The following TRIP13 variants were observed in gnomAD, a reference collection of about 807,000 sequenced individuals.
TRIP13 encodes thyroid hormone receptor interactor 13.
A neutral mutation model predicts 54.4 loss-of-function variants in TRIP13; 25 were observed. That is an observed-to-expected ratio of 0.46 (90% CI 0.33 to 0.64). The LOEUF (loss-of-function observed/expected upper bound fraction) is 0.64. TRIP13 is among the 30% of genes least tolerant of loss of function. The pLI is 0.02. For synonymous variants in TRIP13, 207 were observed against 207.8 expected, an observed-to-expected ratio of 1.00 and a Z score of 0.03; for missense variants, 373 against 534.2, an observed-to-expected ratio of 0.70 and a Z score of 2.97.
rs147454579 is a variant in TRIP13, at chr5:893,082, C to T, written c.84C>T (p.Arg28=). The part of the protein sequence containing the change: ...SPTVHVEVHQ[R]GSSTAKKEDI... ...CGGTCCACGTGGAGGTGCATCAGCG[C>T]GGCAGCAGGTGAGCCGGACCTGTCC... The change falls in exon 1 of 13, where the codon CGC becomes CGT. Residue 28 remains arginine, a synonymous_variant. Transcript: ENST00000166345. The T allele has an allele frequency of 9.4e-6, 15 of 1,594,304 alleles. No homozygotes were observed. The African/African-American group carries it at 1.9e-4, about 20-fold the overall frequency.
intron 2 of TRIP13, 41 bp from the exon 3 acceptor site, chr5:896,624 G>C: frequency 1.3e-6 from 2 of 1,586,172 alleles, no homozygotes; most frequent in Non-Finnish European, 1.7e-6. Flanking sequence ...TTAAGTGAGA[G>C]TTGGAAATGT....
intron 9 of TRIP13, among the ~76,000 whole-genome samples, chr5:910,198 TC>T (rs1453505105): frequency 6.6e-6 from 1 of 152,170 alleles, no homozygotes; most frequent in Non-Finnish European, 1.5e-5. Context: ...ACATGAGTGT[TC>T]CCTTTTCTCT....
intron 10 of TRIP13, 65 bp from the exon 11 acceptor site, chr5:914,400 G>A: frequency 8.8e-7 from 1 of 1,135,922 alleles, no homozygotes; most frequent in Non-Finnish European, 1.3e-6. Context: ...TGTCCCTCTT[G>A]CTGACGGTGC....
chr5:909,930 AC>A (rs1441097510), intron 9 of TRIP13, among the ~76,000 whole-genome samples: 28 of 152,244 alleles, frequency 1.8e-4, no homozygotes, highest in Non-Finnish European at 3.5e-4. Flanking sequence ...TGGTAAACCG[AC>A]AACCTTCTAG....
chr5:905,262 A>C (rs1754089545), intron 6 of TRIP13, among the ~76,000 whole-genome samples: 1 of 152,046 alleles, frequency 6.6e-6, no homozygotes, highest in Non-Finnish European at 1.5e-5. Context: ...TGGCGGTCGG[A>C]GTATGCACTC....
Position 908,950 on chromosome 5 carries a change from T to G in TRIP13, c.866+489T>G, listed in dbSNP as rs1312644724. 6.4e-6 allele frequency: 1 copy of G among 156,464 alleles called. No homozygotes were observed. Among genetic ancestry groups the G allele is most frequent in the Non-Finnish European group, 1.4e-5 (1 of 70,710 alleles). The allele number at this position is 156,464 out of a possible 1,614,324, so 9.7% of individuals were successfully genotyped here. On this transcript the variant is annotated intron_variant, in intron 9 of 12. Coordinates refer to ENST00000166345, the MANE Select transcript of TRIP13 (RefSeq NM_004237.4). This position sits in a 1 kb window ranked among gnomAD's most constrained non-coding sequence, Gnocchi z 5.2. Reference sequence around the variant, plus strand: ...TCCAGCCTGGGTGACAGAGCAAGACTCCGTCTCAGAAAAAAAAAATGTGAA... The same window carrying G: ...TCCAGCCTGGGTGACAGAGCAAGACGCCGTCTCAGAAAAAAAAAATGTGAA...
At chr5:901,016 A>G (rs140283778) in intron 4 of TRIP13, among the ~76,000 whole-genome samples, 3 of 152,320 alleles carry the variant, frequency 2.0e-5, no homozygotes, top group African/African-American at 4.8e-5. Flanking sequence ...TAACTGCTGT[A>G]TCATTCTAGG....
intron 9 of TRIP13, among the ~76,000 whole-genome samples, chr5:910,666 G>T (rs1266617642): frequency 6.6e-6 from 1 of 152,122 alleles, no homozygotes; most frequent in Non-Finnish European, 1.5e-5. Context: ...TCATTCCCTC[G>T]TGCTTCTGGT....
At position 917,264 on chromosome 5, in the gene TRIP13, G is replaced by A; in HGVS notation, c.*161G>A. On this transcript the variant is annotated 3_prime_UTR_variant, in exon 13 of 13. Transcript: ENST00000166345. ...AAGGCCAGGCTTTGTTAAAAGAAGT[G>A]TATTCTATTTATGTTGTTTTAAAAT... The A allele has an allele frequency of 1.6e-6, 1 of 610,984 alleles. No individual in the cohort carries two copies. The highest frequency in any genetic ancestry group is 2.8e-6 in the Non-Finnish European group (1 of 352,470). 37.8% of individuals were successfully genotyped at this position (610,984 alleles called of 1,614,324 possible).
chr5:899,790 G>T (rs1272943279), intron 3 of TRIP13, among the ~76,000 whole-genome samples: 2 of 75,768 alleles, frequency 2.6e-5, no homozygotes, highest in African/African-American at 2.0e-4. Flanking sequence ...GCTTCATTCA[G>T]TCAGTGTGTG....
chr5:906,461 G>A (rs752689667), intron 6 of TRIP13, among the ~76,000 whole-genome samples: 2 of 152,172 alleles, frequency 1.3e-5, no homozygotes, highest in Non-Finnish European at 2.9e-5. Context: ...AACAGTATCA[G>A]TAAACGGTCT....
At chr5:902,845 C>T (rs937031613) in intron 5 of TRIP13, among the ~76,000 whole-genome samples, 13 of 152,206 alleles carry the variant, frequency 8.5e-5, no homozygotes, top group African/African-American at 3.1e-4. Flanking sequence ...GTCCACTGGA[C>T]AGGGGACCCT....
rs1754258595 is a variant in TRIP13, at chr5:912,507, G to C, written c.1020+511G>C. ...AGCGACGCGTGCGGGTTGTGTGTGT[G>C]AGTCAGGAAGGCCGTCGCCACGGGC... is the stretch of plus-strand genomic sequence containing the variant. On this transcript the variant is annotated intron_variant, in intron 10 of 12. Transcript: ENST00000166345. The surrounding 1 kb of genome is among the most constrained non-coding windows in gnomAD (Gnocchi z 7.2). Among the ~76,000 whole-genome samples, 2 of 152,022 alleles carry C rather than the reference G, an allele frequency of 1.3e-5. No individual in the cohort carries two copies. Among genetic ancestry groups the C allele is most frequent in the African/African-American group, 4.8e-5 (2 of 41,376 alleles).
intron 2 of TRIP13, among the ~76,000 whole-genome samples, chr5:895,840 A>T (rs1753901334): frequency 6.6e-6 from 1 of 152,200 alleles, no homozygotes; most frequent in African/African-American, 2.4e-5. Flanking sequence ...TGTTTGTTAG[A>T]TGCTGTTAAT....
Position 907,934 on chromosome 5 carries a change from C to T in TRIP13, c.673-54C>T. Reference sequence around the variant, plus strand: ...CAGGCCACATCAGGGTCCCCCTGTGCACCTGGCAGTGTGGTCCCTGCACGT... The same window carrying T: ...CAGGCCACATCAGGGTCCCCCTGTGTACCTGGCAGTGTGGTCCCTGCACGT... On this transcript the variant is annotated intron_variant, in intron 7 of 12. Coordinates refer to ENST00000166345, the MANE Select transcript of TRIP13 (RefSeq NM_004237.4). This position sits in a 1 kb window ranked among gnomAD's most constrained non-coding sequence, Gnocchi z 4.1. The T allele has an allele frequency of 6.3e-7, 1 of 1,577,132 alleles. No individual in the cohort carries two copies. The highest frequency in any genetic ancestry group is 8.7e-7 in the Non-Finnish European group (1 of 1,146,458).
At chr5:916,638 A>G (rs986246781) in intron 12 of TRIP13, among the ~76,000 whole-genome samples, 4 of 152,142 alleles carry the variant, frequency 2.6e-5, no homozygotes, top group African/African-American at 4.8e-5. Context: ...GCACTGGGCC[A>G]TGGGAATTCT....
rs919690931 is a variant in TRIP13, at chr5:913,646, G to A, written c.1021-819G>A. On this transcript the variant is annotated intron_variant, in intron 10 of 12. Coordinates refer to ENST00000166345, the MANE Select transcript of TRIP13 (RefSeq NM_004237.4). The surrounding 1 kb of genome is among the most constrained non-coding windows in gnomAD (Gnocchi z 4.5). Reference sequence around the variant, plus strand: ...GCTGAGGTTACAGGCGTGAGCCACCGTGCCCAGTGATAGGGGTAGTTTCTT... The same window carrying A: ...GCTGAGGTTACAGGCGTGAGCCACCATGCCCAGTGATAGGGGTAGTTTCTT... Among the ~76,000 whole-genome samples, 1 of 152,144 alleles carries A rather than the reference G, an allele frequency of 6.6e-6. No individual in the cohort carries two copies. The highest frequency in any genetic ancestry group is 1.5e-5 in the Non-Finnish European group (1 of 68,030).
chr5:912,702 T>C lies in TRIP13; in HGVS notation c.1020+706T>C, dbSNP rs1247686834. On this transcript the variant is annotated intron_variant, in intron 10 of 12. Coordinates refer to ENST00000166345, the MANE Select transcript of TRIP13 (RefSeq NM_004237.4). This position sits in a 1 kb window ranked among gnomAD's most constrained non-coding sequence, Gnocchi z 7.2. ...TGGGCACAGTGACGCGTGTGGTGAGTGTGCGTGAGTCTGGAACGCCGTCGC... is the reference window on the plus strand; with the variant it reads ...TGGGCACAGTGACGCGTGTGGTGAGCGTGCGTGAGTCTGGAACGCCGTCGC... Among the ~76,000 whole-genome samples the C allele has an allele frequency of 6.6e-6, 1 of 150,582 alleles. No individual in the cohort carries two copies. Among genetic ancestry groups the C allele is most frequent in the Non-Finnish European group, 1.5e-5 (1 of 67,710 alleles).
intron 5 of TRIP13, among the ~76,000 whole-genome samples, chr5:902,177 G>T (rs1754006362): frequency 6.6e-6 from 1 of 152,142 alleles, no homozygotes; most frequent in Admixed American, 6.5e-5. Flanking sequence ...AAATACTGAT[G>T]GTTTGTTGTT....
Sources: gnomAD v4.1 joint callset for allele counts (sites outside exome capture counted in the v4.1 genomes callset) on GRCh38, gnomAD v4.1.1 for gene constraint, Gnocchi (gnomAD v3.1) non-coding constraint, MANE v1.5 for transcripts, NCBI Gene and HGNC (gene_info 2026-07-23, HGNC 2026-07-21) for gene names.